LRP1B: variants seen among roughly 807,000 people sequenced by gnomAD.
LRP1B encodes the protein low-density lipoprotein receptor-related protein 1B.
In LRP1B, 217 loss-of-function variants were observed where a neutral mutation model predicts 556.6. The observed-to-expected ratio is 0.39, with a 90% CI of 0.35 to 0.44. LRP1B has a LOEUF of 0.44. Ranked by LOEUF, LRP1B falls within the 20% of genes least tolerant of loss-of-function variation. The pLI, the probability that LRP1B is intolerant of heterozygous loss-of-function variation, is 1.00. For synonymous variants in LRP1B, 2,047 were observed against 1,865.8 expected (o/e 1.10, Z -2.50); for missense variants, 5,053 against 5,620.8 (o/e 0.90, Z 3.23).
At chr2:141,753,250 C>G (rs1286229342) in intron 2 of LRP1B, among the ~76,000 whole-genome samples, 2 of 44,582 alleles carry the variant, frequency 4.5e-5, no homozygotes, top group East Asian at 1.5e-3. Context: ...CACACACACT[C>G]TCTCTCTCTC....
intron 1 of LRP1B, among the ~76,000 whole-genome samples, chr2:141,979,286 T>C (rs1701978820): frequency 6.6e-6 from 1 of 152,050 alleles, no homozygotes. Flanking sequence ...GAGAAAACTA[T>C]CTCCCAAATA....
At chr2:141,420,092 A>G (rs555902423) in intron 3 of LRP1B, among the ~76,000 whole-genome samples, 6 of 152,166 alleles carry the variant, frequency 3.9e-5, no homozygotes, top group Non-Finnish European at 7.4e-5. Context: ...TGTTCTATTC[A>G]ATAATGAAAG....
chr2:141,802,514 C>A (rs1001898157), intron 2 of LRP1B, among the ~76,000 whole-genome samples: 3 of 151,866 alleles, frequency 2.0e-5, no homozygotes, highest in Admixed American at 2.0e-4. Flanking sequence ...TTCAACAGGG[C>A]CAATATAGCA....
intron 43 of LRP1B, among the ~76,000 whole-genome samples, chr2:140,564,753 A>C (rs1681062674): frequency 6.6e-6 from 1 of 152,110 alleles, no homozygotes; most frequent in Admixed American, 6.6e-5. Flanking sequence ...CTTGTGATGT[A>C]TACAGTTTAA....
Position 142,115,660 on chromosome 2 carries a change from AAT to A in LRP1B, c.82+14986_82+14987del, listed in dbSNP as rs1286169473. ...TATATGTAATATATATATTATATGT[AAT>A]ATATATATGTAATATATATATAATA... On this transcript the variant is annotated intron_variant, in intron 1 of 90. Transcript: ENST00000389484. 2.8e-4 allele frequency among the ~76,000 whole-genome samples: 2 copies of A among 7,166 alleles called. 1 individual carries two copies. The highest frequency in any genetic ancestry group is 5.8e-4 in the African/African-American group (2 of 3,420). 4.7% of individuals were successfully genotyped at this position (7,166 alleles called of 152,430 possible). A position where few individuals can be genotyped will look rare whatever the true frequency, so the allele number is the denominator to read the frequency against.
chr2:142,005,308 C>T (rs189628365), intron 1 of LRP1B, among the ~76,000 whole-genome samples: 20 of 151,980 alleles, frequency 1.3e-4, no homozygotes, highest in African/African-American at 4.3e-4. Flanking sequence ...AGCTAACAAG[C>T]CCTTGGAAAA....
chr2:141,411,967 T>G (rs1690868656), intron 3 of LRP1B, among the ~76,000 whole-genome samples: 1 of 152,074 alleles, frequency 6.6e-6, no homozygotes. Flanking sequence ...CTATGTTTTC[T>G]GTAAAATACT....
At chr2:140,374,969 A>G (rs1254667608) in intron 68 of LRP1B, among the ~76,000 whole-genome samples, 2 of 152,142 alleles carry the variant, frequency 1.3e-5, no homozygotes, top group Non-Finnish European at 2.9e-5. Flanking sequence ...TCTTTAATGT[A>G]TAACTATTTC....
chr2:140,743,793 A>T (rs1022649271), intron 35 of LRP1B, among the ~76,000 whole-genome samples: 1 of 151,628 alleles, frequency 6.6e-6, no homozygotes, highest in Non-Finnish European at 1.5e-5. Context: ...CCCTGTCTCT[A>T]CTAAAAATAC....
chr2:140,449,186 A>G (rs997518498), intron 63 of LRP1B, among the ~76,000 whole-genome samples: 3 of 152,268 alleles, frequency 2.0e-5, no homozygotes, highest in East Asian at 1.9e-4. Context: ...AAGAAAGATC[A>G]TCTTCTTAAT....
At chr2:140,453,328 G>A (rs1686958374) in intron 62 of LRP1B, among the ~76,000 whole-genome samples, 2 of 151,886 alleles carry the variant, frequency 1.3e-5, no homozygotes, top group African/African-American at 4.8e-5. Context: ...TATTTTTCAT[G>A]TTAATCAATA....
intron 27 of LRP1B, among the ~76,000 whole-genome samples, chr2:140,862,133 ACT>A (rs1692816669): frequency 6.6e-6 from 1 of 152,148 alleles, no homozygotes; most frequent in Non-Finnish European, 1.5e-5. Flanking sequence ...TAAATATTCA[ACT>A]GTATCCCAGA....
At chr2:140,454,344 T>C (rs1687007227) in intron 62 of LRP1B, among the ~76,000 whole-genome samples, 1 of 151,940 alleles carries the variant, frequency 6.6e-6, no homozygotes. Flanking sequence ...AGAGACGAGG[T>C]TTCACTACGT....
At chr2:141,992,702 A>G (rs1196631348) in intron 1 of LRP1B, among the ~76,000 whole-genome samples, 1 of 152,112 alleles carries the variant, frequency 6.6e-6, no homozygotes, top group African/African-American at 2.4e-5. Context: ...ATGGTGTCCT[A>G]GTTGGGTTGA....
intron 7 of LRP1B, among the ~76,000 whole-genome samples, chr2:141,100,077 T>TAAA: frequency 6.6e-6 from 1 of 152,182 alleles, no homozygotes; most frequent in Non-Finnish European, 1.5e-5. Context: ...CAAGATCTCT[T>TAAA]ATCCTGGATT....
chr2:141,491,496 CT>C (rs112992842), intron 2 of LRP1B, among the ~76,000 whole-genome samples: 45,692 of 151,980 alleles, frequency 0.3, 7,761 homozygotes, highest in Non-Finnish European at 0.38. Context: ...CCTGTTCTAA[CT>C]GGGTGATAGC....
At chr2:141,290,964 T>C (rs1195515293) in intron 3 of LRP1B, among the ~76,000 whole-genome samples, 3 of 152,220 alleles carry the variant, frequency 2.0e-5, no homozygotes, top group Non-Finnish European at 4.4e-5. Flanking sequence ...GTATAAGATA[T>C]GTTATTTTTA....
chr2:141,674,963 G>A (rs577095956), intron 2 of LRP1B, among the ~76,000 whole-genome samples: 1 of 151,850 alleles, frequency 6.6e-6, no homozygotes, highest in Non-Finnish European at 1.5e-5. Flanking sequence ...TTAACATTTT[G>A]TTTCTGTTGG....
chr2:141,440,239 G>T (rs760141451), intron 3 of LRP1B, among the ~76,000 whole-genome samples: 2 of 152,200 alleles, frequency 1.3e-5, no homozygotes, highest in African/African-American at 4.8e-5. Flanking sequence ...CGGCCCTCCT[G>T]CTCCAGGGAC....
Sources: gnomAD v4.1 joint callset for allele counts (sites outside exome capture counted in the v4.1 genomes callset) on GRCh38, gnomAD v4.1.1 for gene constraint, MANE v1.5 for transcripts, NCBI Gene and HGNC (gene_info 2026-07-23, HGNC 2026-07-21) for gene names.